The following ASH1L variants were observed in gnomAD, a reference collection of about 807,000 sequenced individuals.
ASH1L encodes ASH1 like histone lysine methyltransferase, also known as histone-lysine N-methyltransferase ASH1L.
In ASH1L, 23 loss-of-function variants were observed where a neutral mutation model predicts 269.0. That is an observed-to-expected ratio of 0.09 (90% CI 0.06 to 0.12). ASH1L has a LOEUF of 0.12. Among genes scored for constraint, ASH1L ranks in the 10% least tolerant of loss-of-function variants. The probability of loss-of-function intolerance (pLI) is 1.00; values close to 1 mark genes in which losing one functional copy is unlikely to be tolerated. For synonymous variants in ASH1L, 1,187 were observed against 1,253.5 expected (o/e 0.95, Z 1.12); for missense variants, 2,912 against 3,567.8 (o/e 0.82, Z 4.68).
intron 17 of ASH1L, among the ~76,000 whole-genome samples, chr1:155,350,473 G>A (rs1003364808): frequency 1.3e-5 from 2 of 152,210 alleles, no homozygotes; most frequent in African/African-American, 4.8e-5. Flanking sequence ...GTTGGGTAAT[G>A]AGAAGAACTT....
At chr1:155,379,626 T>C (rs984579653) in intron 8 of ASH1L, among the ~76,000 whole-genome samples, 2 of 152,198 alleles carry the variant, frequency 1.3e-5, no homozygotes, top group African/African-American at 4.8e-5. Flanking sequence ...CTTCCTTTGA[T>C]AGAAGAATCT....
chr1:155,340,637 C>T (rs985354544), intron 25 of ASH1L, among the ~76,000 whole-genome samples: 33 of 152,098 alleles, frequency 2.2e-4, no homozygotes, highest in South Asian at 4.2e-4. Flanking sequence ...AATGACAAAA[C>T]GTATAATTGG....
intron 12 of ASH1L, among the ~76,000 whole-genome samples, chr1:155,360,730 A>C (rs1654870602): frequency 6.6e-6 from 1 of 152,150 alleles, no homozygotes; most frequent in Admixed American, 6.6e-5. Flanking sequence ...GGTATGAGCC[A>C]CCACGCCTGG....
At chr1:155,554,303 A>G (rs1270878710) in intron 1 of ASH1L, among the ~76,000 whole-genome samples, 1 of 148,018 alleles carries the variant, frequency 6.8e-6, no homozygotes, top group Non-Finnish European at 1.5e-5. Flanking sequence ...ACGGAGTTTC[A>G]CTCTTCTTGC....
intron 3 of ASH1L, among the ~76,000 whole-genome samples, chr1:155,461,868 G>C (rs780229904): frequency 2.1e-5 from 3 of 141,328 alleles, no homozygotes; most frequent in Admixed American, 7.5e-5. Flanking sequence ...GTGCAATCTT[G>C]GCTCACTGAA....
At chr1:155,535,919 A>G (rs892328309) in intron 1 of ASH1L, among the ~76,000 whole-genome samples, 9 of 151,798 alleles carry the variant, frequency 5.9e-5, no homozygotes, top group Non-Finnish European at 1.0e-4. Flanking sequence ...AATCTCTTGA[A>G]CCTGGGAGGC....
rs1653334104 is a variant in ASH1L at position 155,346,442 on chromosome 1, C to T, written c.7831G>A (p.Val2611Met). Residue 2611 changes from valine to methionine, a missense_variant, in exon 21 of 28, where the codon GTG becomes ATG. Val to Met is a conservative substitution (Grantham distance 21). This residue lies in a region of ASH1L where 179 missense variants were observed against 293.8 expected (regional missense o/e 0.61). Transcript: ENST00000392403. ...MVWQHCDCMGVNSDVEHYLCE... is the reference protein window; with the variant it reads ...MVWQHCDCMGMNSDVEHYLCE... Reference sequence around the variant, plus strand: ...AGGTAGTGCTCCACATCTGAGTTCACTCCCATACAATCACAGTGCTGCCAT... The same window carrying T: ...AGGTAGTGCTCCACATCTGAGTTCATTCCCATACAATCACAGTGCTGCCAT... 6.2e-7 allele frequency: 1 copy of T among 1,613,970 alleles called. No homozygotes were observed. The highest frequency in any genetic ancestry group is 8.5e-7 in the Non-Finnish European group (1 of 1,179,976).
intron 15 of ASH1L, among the ~76,000 whole-genome samples, chr1:155,357,078 TACACACACACACACACACAC>T (rs61213200): frequency 5.7e-5 from 3 of 53,070 alleles, no homozygotes; most frequent in East Asian, 8.4e-4. Context: ...ATCCCAGCTC[TACACACACACACACACACAC>T]ACACACACAC....
rs997023314 is a variant in ASH1L, at chr1:155,419,761, T to C, written c.5829-3838A>G. Among the ~76,000 whole-genome samples the C allele has an allele frequency of 7.9e-5, 12 of 152,318 alleles. No homozygotes were observed. In the East Asian group the frequency reaches 2.1e-3, roughly 27 times the overall value. ...GGCAAACATATGCTTTCATCATATA[T>C]GTTCAGTATCATAACAGAGGTCCTA... On this transcript the variant is annotated intron_variant, in intron 5 of 27. Coordinates refer to ENST00000392403, the MANE Select transcript of ASH1L (RefSeq NM_018489.3).
intron 3 of ASH1L, among the ~76,000 whole-genome samples, chr1:155,467,032 T>C (rs1240546179): frequency 6.6e-6 from 1 of 152,198 alleles, no homozygotes; most frequent in Non-Finnish European, 1.5e-5. Context: ...CACCAAATAA[T>C]GTATATAATT....
intron 12 of ASH1L, among the ~76,000 whole-genome samples, chr1:155,364,672 G>A (rs760621143): frequency 3.3e-5 from 5 of 151,900 alleles, no homozygotes; most frequent in African/African-American, 7.3e-5. Context: ...CGGCATGGTG[G>A]CTCACACTTG....
At chr1:155,436,477 C>A (rs1217581491) in intron 5 of ASH1L, among the ~76,000 whole-genome samples, 1 of 149,752 alleles carries the variant, frequency 6.7e-6, no homozygotes, top group East Asian at 2.0e-4. Flanking sequence ...CAGGCGTGAG[C>A]CACCATGCGT....
intron 10 of ASH1L, among the ~76,000 whole-genome samples, chr1:155,375,594 G>A (rs1157483257): frequency 2.6e-5 from 4 of 151,964 alleles, no homozygotes; most frequent in South Asian, 2.1e-4. Flanking sequence ...CGAGACCAGC[G>A]TGGTCAACAT....
At chr1:155,344,316 AC>A in intron 21 of ASH1L, 43 bp from the exon 22 acceptor site, 3 of 1,408,902 alleles carry the variant, frequency 2.1e-6, no homozygotes, top group Non-Finnish European at 2.0e-6. Flanking sequence ...TGGAATTACT[AC>A]ATTCAGCCTA....
intron 1 of ASH1L, among the ~76,000 whole-genome samples, chr1:155,540,809 C>T (rs1255219047): frequency 1.3e-5 from 2 of 152,144 alleles, no homozygotes; most frequent in Non-Finnish European, 2.9e-5. Flanking sequence ...AGCAAACACT[C>T]ATACATCTGT....
intron 12 of ASH1L, among the ~76,000 whole-genome samples, chr1:155,363,776 C>T (rs1251222382): frequency 6.6e-6 from 1 of 151,180 alleles, no homozygotes; most frequent in Admixed American, 6.6e-5. Context: ...AGTTCGAGAC[C>T]AGCCTGGACA....
At chr1:155,428,994 G>A (rs898041507) in intron 5 of ASH1L, among the ~76,000 whole-genome samples, 14 of 152,064 alleles carry the variant, frequency 9.2e-5, no homozygotes, top group Admixed American at 2.6e-4. Flanking sequence ...CTCCCCGACC[G>A]AGCTGGTCTC....
chr1:155,428,624 C>T (rs1661361076), intron 5 of ASH1L, among the ~76,000 whole-genome samples: 1 of 152,106 alleles, frequency 6.6e-6, no homozygotes, highest in Non-Finnish European at 1.5e-5. Flanking sequence ...CCTGGCCCAC[C>T]CAGGCTGGAA....
chr1:155,536,838 C>T (rs1263462944), intron 1 of ASH1L, among the ~76,000 whole-genome samples: 3 of 151,906 alleles, frequency 2.0e-5, no homozygotes, highest in African/African-American at 4.8e-5. Context: ...GTCAGGAGAT[C>T]GAGACCATCC....
Sources: gnomAD v4.1 joint callset for allele counts (sites outside exome capture counted in the v4.1 genomes callset) on GRCh38, gnomAD v4.1.1 for gene constraint, gnomAD v4.1.1 regional missense constraint, MANE v1.5 for transcripts, NCBI Gene and HGNC (gene_info 2026-07-23, HGNC 2026-07-21) for gene names.